Variants in TADA1 observed in about 807,000 individuals in gnomAD.
The protein encoded by TADA1 is transcriptional adapter 1.
In TADA1, 23 loss-of-function variants were observed where a neutral mutation model predicts 39.3. The observed-to-expected ratio is 0.58, with a 90% confidence interval of 0.42 to 0.83. TADA1 has a LOEUF of 0.83. Among genes scored for constraint, TADA1 ranks in the 40% least tolerant of loss-of-function variants. The pLI, the probability that TADA1 is intolerant of heterozygous loss-of-function variation, is 0.00. For synonymous variants in TADA1, 137 were observed against 151.8 expected (o/e 0.90, Z 0.72); for missense variants, 352 against 408.1 (o/e 0.86, Z 1.18).
intron 3 of TADA1, among the ~76,000 whole-genome samples, chr1:166,866,361 C>G (rs895419086): frequency 2.0e-5 from 3 of 152,110 alleles, no homozygotes; most frequent in African/African-American, 7.2e-5. Context: ...CAGGCTAACA[C>G]CTACCATGCA....
At chr1:166,872,929 T>C (rs2101797014) in intron 1 of TADA1, among the ~76,000 whole-genome samples, 1 of 152,236 alleles carries the variant, frequency 6.6e-6, no homozygotes, top group South Asian at 2.1e-4. Context: ...GAAGTATAAG[T>C]GGGTCAGATT....
Position 166,863,870 on chromosome 1 carries a change from T to C in TADA1, c.284A>G (p.Lys95Arg), listed in dbSNP as rs1658470312. The change falls in exon 4 of 8, where the codon AAA (lysine) becomes AGA (arginine). Residue 95 changes from lysine (K) to arginine (R), a missense_variant. Lys to Arg is a conservative substitution (Grantham distance 26). Coordinates refer to ENST00000367874, the MANE Select transcript of TADA1 (RefSeq NM_053053.4). The part of the protein sequence containing the change: ...WPGGSAAKPG[K>R]PKGKKKLSSV... Reference sequence around the variant, plus strand: ...AGAAAGCTTTTTCTTTCCCTTGGGTTTTCCAGGTTTTGCTGCGGAACCCCC... The same window carrying C: ...AGAAAGCTTTTTCTTTCCCTTGGGTCTTCCAGGTTTTGCTGCGGAACCCCC... The C allele has an allele frequency of 6.2e-7, 1 of 1,611,990 alleles. No individual in the cohort carries two copies. The highest frequency in any genetic ancestry group is 8.5e-7 in the Non-Finnish European group (1 of 1,179,586).
Position 166,857,432 on chromosome 1 carries a change from G to GTAC in TADA1, c.*132_*134dup. 1 of 985,408 alleles carries GTAC rather than the reference G, an allele frequency of 1.0e-6. No homozygotes were observed. The highest frequency in any genetic ancestry group is 1.7e-5 in the South Asian group (1 of 57,782). The allele number at this position is 985,408 out of a possible 1,614,324, so 61.0% of individuals were successfully genotyped here. A position where few individuals can be genotyped will look rare whatever the true frequency, so the allele number is the denominator to read the frequency against. ...TGGCTTCACAACAGCAACACAAAAT[G>GTAC]TACTCAATGTCACATTTCCATAGGA... On this transcript the variant is annotated 3_prime_UTR_variant, in exon 8 of 8. Coordinates refer to ENST00000367874, the MANE Select transcript of TADA1 (RefSeq NM_053053.4).
intron 6 of TADA1, 101 bp from the exon 7 acceptor site, chr1:166,858,382 A>C: frequency 1.1e-6 from 1 of 891,186 alleles, no homozygotes; most frequent in Non-Finnish European, 1.6e-6. Context: ...CTTTAATTGA[A>C]TTAGAAATCC....
intron 3 of TADA1, among the ~76,000 whole-genome samples, chr1:166,866,709 A>C (rs1331940257): frequency 6.6e-6 from 1 of 152,084 alleles, no homozygotes; most frequent in Non-Finnish European, 1.5e-5. Context: ...TGTACTTACG[A>C]ATACCACTTC....
At chr1:166,870,285 A>C (rs1212517043) in intron 1 of TADA1, among the ~76,000 whole-genome samples, 5 of 152,226 alleles carry the variant, frequency 3.3e-5, no homozygotes, top group Non-Finnish European at 7.3e-5. Context: ...GTGTCCTTAT[A>C]AGAAGAGGCA....
rs773432329 is a variant in TADA1, at chr1:166,858,162, G to A, written c.812C>T (p.Ser271Phe). ...LACSGDTLPA[S>F]LPPVNMYDLF... ...ATCGTACATGTTCACCGGAGGCAAAGATGCAGGTAGAGTGTCTCCGGAGCA... is the reference window on the plus strand; with the variant it reads ...ATCGTACATGTTCACCGGAGGCAAAAATGCAGGTAGAGTGTCTCCGGAGCA... The change falls in exon 7 of 8, where the codon TCT becomes TTT. Residue 271 changes from serine (S) to phenylalanine (F), a missense_variant. Coordinates refer to ENST00000367874, the MANE Select transcript of TADA1 (RefSeq NM_053053.4). 14 of 1,614,062 alleles carry A rather than the reference G, an allele frequency of 8.7e-6. No homozygotes were observed. Among genetic ancestry groups the A allele is most frequent in the Middle Eastern group, 1.6e-4 (1 of 6,084 alleles).
At chr1:166,866,179 G>A (rs1182198842) in intron 3 of TADA1, among the ~76,000 whole-genome samples, 1 of 152,238 alleles carries the variant, frequency 6.6e-6, no homozygotes, top group Non-Finnish European at 1.5e-5. Context: ...CTGCTGCGTG[G>A]CCAAGCGAAG....
rs1234452906 is a variant in TADA1 at position 166,862,487 on chromosome 1, A to G, written c.331-75T>C. 6 of 1,226,410 alleles carry G rather than the reference A, an allele frequency of 4.9e-6. No individual in the cohort carries two copies. The Admixed American group carries it at 9.3e-5, about 19-fold the overall frequency. The allele number at this position is 1,226,410 out of a possible 1,614,324, so 76.0% of individuals were successfully genotyped here. ...GACACAAAGTAAACTCCTGTACTGA[A>G]GTTGAGATCCTCCAAATTAATGCCA... On this transcript the variant is annotated intron_variant, in intron 4 of 7. Coordinates refer to ENST00000367874, the MANE Select transcript of TADA1 (RefSeq NM_053053.4).
chr1:166,876,208 T>C lies in TADA1; in HGVS notation c.26A>G (p.Glu9Gly), dbSNP rs371464158. 133 of 1,613,518 alleles carry C rather than the reference T, an allele frequency of 8.2e-5. No homozygotes were observed. Among genetic ancestry groups the C allele is most frequent in the Non-Finnish European group, 8.1e-5 (95 of 1,179,858 alleles). The change falls in exon 1 of 8, where the codon GAG (glutamate) becomes GGG (glycine). Residue 9 changes from glutamate (E) to glycine (G), a missense_variant. By Grantham distance (98) the Glu-to-Gly change is moderately conservative. Coordinates refer to ENST00000367874, the MANE Select transcript of TADA1 (RefSeq NM_053053.4). MATFVSEL[E>G]AAKKNLSEAL... is the part of the protein sequence containing the mutation. ...CTCGCTTAAGTTCTTCTTGGCCGCCTCCAGCTCGCTCACAAAGGTCGCCAT... is the reference window on the plus strand; with the variant it reads ...CTCGCTTAAGTTCTTCTTGGCCGCCCCCAGCTCGCTCACAAAGGTCGCCAT...
Position 166,863,841 on chromosome 1 carries a change from C to G in TADA1, c.313G>C (p.Val105Leu), listed in dbSNP as rs1382831663. 3 of 1,610,790 alleles carry G rather than the reference C, an allele frequency of 1.9e-6. No individual in the cohort carries two copies. Among genetic ancestry groups the G allele is most frequent in the Non-Finnish European group, 2.5e-6 (3 of 1,179,296 alleles). ...KPKGKKKLSS[V>L]RQKFDHRFQP... The stretch of plus-strand genomic sequence containing the variant: ...CAACCTACATCAAATTTCTGACGAA[C>G]AGAAGAAAGCTTTTTCTTTCCCTTG... The change falls in exon 4 of 8, where the codon GTT becomes CTT. Residue 105 changes from valine (V) to leucine (L), a missense_variant. Physicochemically the swap from Val to Leu is conservative, Grantham distance 32. This residue lies in a region of TADA1 where 285 missense variants were observed against 310.9 expected (regional missense o/e 0.92). Coordinates refer to ENST00000367874, the MANE Select transcript of TADA1 (RefSeq NM_053053.4).
At chr1:166,873,547 T>G (rs1257692179) in intron 1 of TADA1, among the ~76,000 whole-genome samples, 1 of 151,982 alleles carries the variant, frequency 6.6e-6, no homozygotes, top group Non-Finnish European at 1.5e-5. Context: ...AAATAGGTTG[T>G]GCAAACCAAA....
chr1:166,869,848 C>T lies in TADA1; in HGVS notation c.81G>A (p.Trp27Ter), dbSNP rs1658618402. The T allele has an allele frequency of 1.2e-6, 2 of 1,613,660 alleles. No individual in the cohort carries two copies. Among genetic ancestry groups the T allele is most frequent in the African/African-American group, 2.7e-5 (2 of 74,826 alleles). The change falls in exon 2 of 8, where the codon TGG (tryptophan) becomes TGA (stop). Residue 27 changes from tryptophan to a stop codon, truncating the protein, a stop_gained. Coordinates refer to ENST00000367874, the MANE Select transcript of TADA1 (RefSeq NM_053053.4). LOFTEE classifies it high-confidence loss of function. ...EALGDNVKQY[W>*]ANLKLWFKQK... ...GCTTGAACCACAGCTTTAGGTTAGCCCAGTATCTGCAGAGGCAGAAACAAT... is the reference window on the plus strand; with the variant it reads ...GCTTGAACCACAGCTTTAGGTTAGCTCAGTATCTGCAGAGGCAGAAACAAT...
At chr1:166,871,029 G>T (rs1165555682) in intron 1 of TADA1, among the ~76,000 whole-genome samples, 1 of 152,010 alleles carries the variant, frequency 6.6e-6, no homozygotes, top group Admixed American at 6.5e-5. Context: ...TTTGTTTTAG[G>T]TGACATCCTT....
chr1:166,857,976 G>T (rs1419595929), intron 7 of TADA1, 143 bp downstream of exon 7: 2 of 1,105,674 alleles, frequency 1.8e-6, no homozygotes, highest in South Asian at 1.5e-5. Flanking sequence ...AATGAGGCTA[G>T]TATTAATAAC....
chr1:166,868,152 C>A (rs1172531346), intron 3 of TADA1, among the ~76,000 whole-genome samples: 1 of 152,096 alleles, frequency 6.6e-6, no homozygotes, highest in African/African-American at 2.4e-5. Flanking sequence ...TCCAGTATGA[C>A]TTTTATCATG....
intron 3 of TADA1, chr1:166,869,087 C>A: frequency 7.0e-6 from 2 of 287,720 alleles, no homozygotes; most frequent in South Asian, 4.8e-5. Flanking sequence ...AGTTTGGTGT[C>A]AAAAATGGTG....
At chr1:166,859,209 C>T (rs1399908148) in intron 6 of TADA1, among the ~76,000 whole-genome samples, 1 of 152,198 alleles carries the variant, frequency 6.6e-6, no homozygotes, top group Non-Finnish European at 1.5e-5. Flanking sequence ...CAAACTCCCA[C>T]ATGTGCTATC....
chr1:166,871,921 T>C (rs1027850475), intron 1 of TADA1, among the ~76,000 whole-genome samples: 6 of 152,318 alleles, frequency 3.9e-5, no homozygotes, highest in South Asian at 2.1e-4. Flanking sequence ...GAAGCAAATG[T>C]ATATTTGGAA....
Sources: gnomAD v4.1 joint callset for allele counts (sites outside exome capture counted in the v4.1 genomes callset) on GRCh38, gnomAD v4.1.1 for gene constraint, gnomAD v4.1.1 regional missense constraint, MANE v1.5 for transcripts, NCBI Gene and HGNC (gene_info 2026-07-23, HGNC 2026-07-21) for gene names.